Variants in PLD1 observed in about 807,000 individuals in gnomAD.
The protein encoded by PLD1 is choline phosphatase 1.
PLD1 carries 112 observed loss-of-function variants against 137.1 expected under a neutral mutation model. That is an observed-to-expected ratio of 0.82 (90% CI 0.70 to 0.96). The LOEUF (loss-of-function observed/expected upper bound fraction) is 0.96, where lower values mean the gene tolerates loss of function less well. Among genes scored for constraint, PLD1 ranks in the 40% least tolerant of loss-of-function variants. The pLI is 0.00. For synonymous variants in PLD1, 431 were observed against 454.7 expected (o/e 0.95, Z 0.66); for missense variants, 1,321 against 1,342.0 (o/e 0.98, Z 0.24).
chr3:171,763,434 A>C (rs1721543821), intron 1 of PLD1, among the ~76,000 whole-genome samples: 2 of 131,484 alleles, frequency 1.5e-5, no homozygotes, highest in Non-Finnish European at 3.2e-5. Context: ...AAAACAGAGA[A>C]GAAAAGAAGA....
intron 12 of PLD1, among the ~76,000 whole-genome samples, chr3:171,693,779 A>G (rs935460069): frequency 1.1e-4 from 17 of 152,126 alleles, no homozygotes; most frequent in Admixed American, 8.5e-4. Flanking sequence ...TATTTAATAA[A>G]CCATAATAAA....
chr3:171,664,145 T>G (rs903973876), intron 19 of PLD1, among the ~76,000 whole-genome samples: 1 of 152,152 alleles, frequency 6.6e-6, no homozygotes. Context: ...CATGAATATA[T>G]TAAATATCAT....
chr3:171,623,407 C>T (rs1002220073), intron 23 of PLD1, among the ~76,000 whole-genome samples: 4 of 151,016 alleles, frequency 2.6e-5, no homozygotes, highest in Admixed American at 6.6e-5. Flanking sequence ...CTCCGCCTCC[C>T]GGGTTCACGC....
chr3:171,742,567 A>G (rs1719857923), intron 1 of PLD1, among the ~76,000 whole-genome samples: 1 of 152,208 alleles, frequency 6.6e-6, no homozygotes, highest in African/African-American at 2.4e-5. Flanking sequence ...AAATTATATC[A>G]TAATGTATGA....
At chr3:171,735,701 T>A (rs1719307522) in intron 3 of PLD1, 64 bp from the exon 4 acceptor site, 1 of 905,612 alleles carries the variant, frequency 1.1e-6, no homozygotes, top group Non-Finnish European at 1.8e-6. Flanking sequence ...AAGCTTTCAG[T>A]GAACAATATT....
In PLD1 at chr3:171,620,742, C is replaced by CTCTCTATATA. The variant is rs1473647659; in HGVS notation, c.2594-223_2594-222insTATATAGAGA. ...TTTCTCTCTCTCTCTCTCTCTCTCT[C>CTCTCTATATA]TATATATATATATATATATATATAT... On this transcript the variant is annotated intron_variant, in intron 23 of 26. Coordinates refer to ENST00000351298, the MANE Select transcript of PLD1 (RefSeq NM_002662.5). 4.7e-3 allele frequency among the ~76,000 whole-genome samples: 445 copies of CTCTCTATATA among 94,722 alleles called. 1 individual carries two copies. The highest frequency in any genetic ancestry group is 6.8e-3 in the Non-Finnish European group (333 of 49,242). The allele number at this position is 94,722 out of a possible 152,430, so 62.1% of individuals were successfully genotyped here. A position where few individuals can be genotyped will look rare whatever the true frequency, so the allele number is the denominator to read the frequency against.
At chr3:171,764,497 AC>A (rs2108314269) in intron 1 of PLD1, among the ~76,000 whole-genome samples, 1 of 152,236 alleles carries the variant, frequency 6.6e-6, no homozygotes, top group African/African-American at 2.4e-5. Context: ...CAATGATCTA[AC>A]CCAGTAATTT....
In PLD1 at chr3:171,612,434, T is replaced by C; in HGVS notation, c.2729-2A>G. The C allele has an allele frequency of 1.2e-6, 2 of 1,613,744 alleles. No homozygotes were observed. Among genetic ancestry groups the C allele is most frequent in the Non-Finnish European group, 1.7e-6 (2 of 1,179,698 alleles). Reference sequence around the variant, plus strand: ...TGCGGTCATTTATGTTGGCAGAGCCTGTAAGGAGAAACAGTGAGGCTGAAC... The same window carrying C: ...TGCGGTCATTTATGTTGGCAGAGCCCGTAAGGAGAAACAGTGAGGCTGAAC... On this transcript the variant is annotated splice_acceptor_variant, in intron 24 of 26. Transcript: ENST00000351298. LOFTEE classifies it high-confidence loss of function. This position sits in a 1 kb window ranked among gnomAD's most constrained non-coding sequence, Gnocchi z 4.1.
At chr3:171,804,078 T>G (rs1723749296) in intron 1 of PLD1, among the ~76,000 whole-genome samples, 2 of 152,230 alleles carry the variant, frequency 1.3e-5, no homozygotes, top group Non-Finnish European at 2.9e-5. Context: ...TCTTCATTTT[T>G]TTTTCCTATT....
chr3:171,783,332 ATTT>A (rs1722866834), intron 1 of PLD1, among the ~76,000 whole-genome samples: 1 of 152,004 alleles, frequency 6.6e-6, no homozygotes, highest in Non-Finnish European at 1.5e-5. Flanking sequence ...AGTAACTGTG[ATTT>A]TAACCAGGGT....
At chr3:171,716,012 C>G (rs1717660523) in intron 8 of PLD1, among the ~76,000 whole-genome samples, 1 of 150,542 alleles carries the variant, frequency 6.6e-6, no homozygotes, top group South Asian at 2.1e-4. Flanking sequence ...TAAGTGAGAA[C>G]AGGTGGTATT....
chr3:171,776,855 G>A (rs954412325), intron 1 of PLD1, among the ~76,000 whole-genome samples: 29 of 152,140 alleles, frequency 1.9e-4, no homozygotes, highest in Admixed American at 6.5e-4. Flanking sequence ...AACTGAAGGC[G>A]CGTGTGATAG....
chr3:171,628,287 T>C (rs866973902), intron 23 of PLD1, among the ~76,000 whole-genome samples: 61 of 152,262 alleles, frequency 4.0e-4, no homozygotes, highest in African/African-American at 1.4e-3. Context: ...CCTCAACATA[T>C]ACACCCTTCG....
chr3:171,744,971 G>T (rs1720042419), intron 1 of PLD1, among the ~76,000 whole-genome samples: 1 of 152,132 alleles, frequency 6.6e-6, no homozygotes, highest in Non-Finnish European at 1.5e-5. Context: ...ACACGTTTTG[G>T]GGCATTAAAA....
chr3:171,677,838 G>T, intron 16 of PLD1, 144 bp from the exon 17 acceptor site: 1 of 724,286 alleles, frequency 1.4e-6, no homozygotes, highest in Non-Finnish European at 2.2e-6. Context: ...TCTATTACAG[G>T]CTGTGGGCTA....
intron 23 of PLD1, among the ~76,000 whole-genome samples, chr3:171,630,514 G>T (rs1185627022): frequency 7.0e-5 from 9 of 129,428 alleles, no homozygotes; most frequent in Non-Finnish European, 1.4e-4. Context: ...CCATTACTGG[G>T]TATATACCCA....
At chr3:171,618,713 AGTGTGTATGTGTGTGTGT>A (rs1173527304) in intron 24 of PLD1, among the ~76,000 whole-genome samples, 1 of 134,654 alleles carries the variant, frequency 7.4e-6, no homozygotes, top group Non-Finnish European at 1.6e-5. Context: ...AAATATTAAA[AGTGTGTATGTGTGTGTGT>A]GTGTGTGTGT....
intron 6 of PLD1, among the ~76,000 whole-genome samples, chr3:171,731,486 G>A (rs928256968): frequency 1.3e-5 from 2 of 152,008 alleles, no homozygotes; most frequent in Admixed American, 6.6e-5. Flanking sequence ...AGTAACCATC[G>A]AAAATGAGAG....
At position 171,688,841 on chromosome 3, in the gene PLD1, G is replaced by T. The variant is rs1714841491; in HGVS notation, c.1374C>A (p.Val458=). Residue 458 remains valine (V), a synonymous_variant, in exon 14 of 27, where the codon GTC becomes GTA. Coordinates refer to ENST00000351298, the MANE Select transcript of PLD1 (RefSeq NM_002662.5). ...GCTTCTCATGGTGAGCCCACAAATA[G>T]ACGGTGGATGACACATGATCCGGGT... ...MRHPDHVSST[V]YLWAHHEKLV... is the part of the protein sequence containing the mutation. The T allele has an allele frequency of 6.2e-7, 1 of 1,613,946 alleles. No individual in the cohort carries two copies. Among genetic ancestry groups the T allele is most frequent in the East Asian group, 2.2e-5 (1 of 44,884 alleles).
Sources: gnomAD v4.1 joint callset for allele counts (sites outside exome capture counted in the v4.1 genomes callset) on GRCh38, gnomAD v4.1.1 for gene constraint, Gnocchi (gnomAD v3.1) non-coding constraint, MANE v1.5 for transcripts, NCBI Gene and HGNC (gene_info 2026-07-23, HGNC 2026-07-21) for gene names.